Variants in GLIS3 observed in about 807,000 individuals in gnomAD.
The protein encoded by GLIS3 is zinc finger protein GLIS3.
GLIS3 carries 53 observed loss-of-function variants against 78.6 expected under a neutral mutation model. The ratio of observed to expected loss-of-function variants is 0.67; its 90% CI spans 0.54 to 0.85. The LOEUF is 0.85. Among genes scored for constraint, GLIS3 ranks in the 40% least tolerant of loss-of-function variants. The probability of loss-of-function intolerance (pLI) is 0.00; values close to 1 mark genes in which losing one functional copy is unlikely to be tolerated. For missense variants in GLIS3, 1,703 were observed against 1,231.1 expected (o/e 1.38, Z -5.74); for synonymous variants, 684 against 509.9 (o/e 1.34, Z -4.60).
the GLIS3 span, among the ~76,000 whole-genome samples, chr9:4,471,413 G>A: frequency 1.3e-5 from 2 of 152,240 alleles, no homozygotes; most frequent in East Asian, 3.9e-4. Context: ...GAGAGATATA[G>A]ACCAATGGAA....
intron 4 of GLIS3, among the ~76,000 whole-genome samples, chr9:4,105,292 C>T (rs932348843): frequency 5.9e-5 from 9 of 152,114 alleles, no homozygotes; most frequent in Non-Finnish European, 1.0e-4. Context: ...TTCAATTAAG[C>T]CTATTCTAAT....
At chr9:3,965,860 G>T (rs1304399673) in intron 4 of GLIS3, among the ~76,000 whole-genome samples, 1 of 152,148 alleles carries the variant, frequency 6.6e-6, no homozygotes, top group Non-Finnish European at 1.5e-5. Flanking sequence ...AAAACAAAAG[G>T]TAACAGATAC....
At chr9:3,850,445 G>A (rs1819358097) in intron 9 of GLIS3, among the ~76,000 whole-genome samples, 1 of 152,246 alleles carries the variant, frequency 6.6e-6, no homozygotes, top group African/African-American at 2.4e-5. Context: ...AGGAAAGACT[G>A]TATGTGAACA....
intron 3 of GLIS3, among the ~76,000 whole-genome samples, chr9:4,124,886 T>C (rs559756311): frequency 3.9e-5 from 6 of 152,214 alleles, no homozygotes; most frequent in Non-Finnish European, 7.3e-5. Context: ...AAACTGTGGA[T>C]TGTGTTTTTC....
chr9:4,484,709 G>A, the GLIS3 span, among the ~76,000 whole-genome samples: 2 of 152,120 alleles, frequency 1.3e-5, no homozygotes, highest in East Asian at 1.9e-4. Flanking sequence ...GAGCCACTGT[G>A]CCCAGTGTAG....
chr9:3,959,666 C>A (rs1817410797), intron 4 of GLIS3, among the ~76,000 whole-genome samples: 1 of 152,188 alleles, frequency 6.6e-6, no homozygotes, highest in African/African-American at 2.4e-5. Context: ...ACATGCCATT[C>A]CCTGCCCCAA....
At chr9:4,196,993 C>G (rs2145783) in intron 2 of GLIS3, among the ~76,000 whole-genome samples, 1 of 152,188 alleles carries the variant, frequency 6.6e-6, no homozygotes, top group Non-Finnish European at 1.5e-5. Flanking sequence ...GACCAGCAGC[C>G]TAAGCCACCC....
chr9:4,230,678 G>C (rs548936754), intron 2 of GLIS3, among the ~76,000 whole-genome samples: 2 of 152,296 alleles, frequency 1.3e-5, no homozygotes, highest in East Asian at 3.8e-4. Flanking sequence ...TATGGACTGC[G>C]CATGGGGAAC....
At chr9:4,346,266 A>G (rs987759593) in intron 2 of GLIS3, among the ~76,000 whole-genome samples, 12 of 152,248 alleles carry the variant, frequency 7.9e-5, no homozygotes, top group African/African-American at 2.2e-4. Context: ...TTGTAAATTT[A>G]GAAATTCCTT....
intron 4 of GLIS3, among the ~76,000 whole-genome samples, chr9:4,097,217 A>T (rs1830019738): frequency 6.6e-6 from 1 of 152,172 alleles, no homozygotes; most frequent in Non-Finnish European, 1.5e-5. Context: ...ACCAGAAGCC[A>T]CAGAGAACTG....
chr9:4,474,274 G>C, the GLIS3 span, among the ~76,000 whole-genome samples: 1 of 152,184 alleles, frequency 6.6e-6, no homozygotes, highest in East Asian at 1.9e-4. Context: ...GAAAGTTCAA[G>C]GTGGGCAGAT....
intron 2 of GLIS3, among the ~76,000 whole-genome samples, chr9:4,142,058 G>A (rs1281334568): frequency 6.6e-6 from 1 of 152,140 alleles, no homozygotes; most frequent in African/African-American, 2.4e-5. Context: ...AATCATATCT[G>A]AAATTAGGTC....
chr9:3,850,094 A>C (rs190088553), intron 9 of GLIS3, among the ~76,000 whole-genome samples: 239 of 152,324 alleles, frequency 1.6e-3, no homozygotes, highest in Non-Finnish European at 2.5e-3. Context: ...GATACCTTCT[A>C]ATTACAGCAG....
At chr9:3,920,801 C>T (rs1300890669) in intron 6 of GLIS3, among the ~76,000 whole-genome samples, 1 of 152,052 alleles carries the variant, frequency 6.6e-6, no homozygotes, top group Non-Finnish European at 1.5e-5. Flanking sequence ...GATGGGTAAA[C>T]ATTATCTAAA....
intron 4 of GLIS3, among the ~76,000 whole-genome samples, chr9:4,031,488 T>C (rs1588492420): frequency 6.6e-6 from 1 of 152,014 alleles, no homozygotes. Flanking sequence ...TGAGAGGAGG[T>C]AAGAAGGGAG....
chr9:4,223,327 G>T (rs1247434979), intron 2 of GLIS3, among the ~76,000 whole-genome samples: 3 of 152,134 alleles, frequency 2.0e-5, no homozygotes, highest in African/African-American at 7.2e-5. Flanking sequence ...TGGGTGAGAA[G>T]GATACACAGC....
At chr9:4,080,461 A>G (rs750179081) in intron 4 of GLIS3, among the ~76,000 whole-genome samples, 2 of 152,220 alleles carry the variant, frequency 1.3e-5, no homozygotes, top group Non-Finnish European at 2.9e-5. Context: ...CAAATTATCA[A>G]AATTTTAAAT....
At chr9:3,988,980 T>G (rs959648125) in intron 4 of GLIS3, among the ~76,000 whole-genome samples, 1 of 152,056 alleles carries the variant, frequency 6.6e-6, no homozygotes, top group African/African-American at 2.4e-5. Context: ...ACAGAGAGAC[T>G]GGGGAAAACA....
chr9:3,961,481 A>G (rs1817548284), intron 4 of GLIS3, among the ~76,000 whole-genome samples: 1 of 152,210 alleles, frequency 6.6e-6, no homozygotes, highest in African/African-American at 2.4e-5. Flanking sequence ...GTCATAAATC[A>G]TGGGTCTCTA....
Sources: gnomAD v4.1 joint callset for allele counts (sites outside exome capture counted in the v4.1 genomes callset) on GRCh38, gnomAD v4.1.1 for gene constraint, MANE v1.5 for transcripts, NCBI Gene and HGNC (gene_info 2026-07-23, HGNC 2026-07-21) for gene names.